HS6ST3: variants seen among roughly 807,000 people sequenced by gnomAD.
The protein encoded by HS6ST3 is heparan sulfate 6-O-sulfotransferase 3.
In HS6ST3, 12 loss-of-function variants were observed where a neutral mutation model predicts 36.7. The ratio of observed to expected loss-of-function variants is 0.33; its 90% CI spans 0.21 to 0.53. The LOEUF (loss-of-function observed/expected upper bound fraction) is 0.53. HS6ST3 is among the 20% of genes least tolerant of loss of function. The pLI is 0.95. For synonymous variants in HS6ST3, 240 were observed against 257.5 expected, an observed-to-expected ratio of 0.93 and a Z score of 0.65; for missense variants, 584 against 640.9, an observed-to-expected ratio of 0.91 and a Z score of 0.96.
chr13:96,760,465 A>G (rs997399662), intron 1 of HS6ST3, among the ~76,000 whole-genome samples: 3 of 151,398 alleles, frequency 2.0e-5, no homozygotes, highest in Middle Eastern at 3.4e-3. Flanking sequence ...GTCCAACCTT[A>G]TAACATTTAC....
intron 1 of HS6ST3, among the ~76,000 whole-genome samples, chr13:96,220,927 T>A (rs992332801): frequency 5.9e-5 from 9 of 152,170 alleles, no homozygotes; most frequent in African/African-American, 2.2e-4. Context: ...GCAATTTGAG[T>A]GTTCCATGTA....
At chr13:96,811,076 C>T (rs937115307) in intron 1 of HS6ST3, among the ~76,000 whole-genome samples, 4 of 152,096 alleles carry the variant, frequency 2.6e-5, no homozygotes, top group African/African-American at 9.7e-5. Context: ...CATGAAGCAG[C>T]AGCAAGCCCC....
At position 96,837,037 on chromosome 13, in the gene HS6ST3, C is replaced by T. The variant is rs1031491939; in HGVS notation, c.*3839C>T. 6 of 152,050 alleles carry T rather than the reference C, an allele frequency of 3.9e-5. No individual in the cohort carries two copies. The highest frequency in any genetic ancestry group is 1.9e-4 in the East Asian group (1 of 5,178). The allele number at this position is 152,050 out of a possible 1,614,324, so 9.4% of individuals were successfully genotyped here. Reference sequence around the variant, plus strand: ...CACATCTCATGGGTTAAAACCTAGACATTTGCCACATCTAGCTGCAAAGAA... The same window carrying T: ...CACATCTCATGGGTTAAAACCTAGATATTTGCCACATCTAGCTGCAAAGAA... On this transcript the variant is annotated 3_prime_UTR_variant, in exon 2 of 2. Coordinates refer to ENST00000376705, the MANE Select transcript of HS6ST3 (RefSeq NM_153456.4).
Position 96,302,442 on chromosome 13 carries a change from G to A in HS6ST3, c.707+210873G>A, listed in dbSNP as rs375076687. ...GGATATGGGTAAATCTTTATAAAAA[G>A]GATAAGTAGGTATTCAAATAGATAA... On this transcript the variant is annotated intron_variant, in intron 1 of 1. Transcript: ENST00000376705. Among the ~76,000 whole-genome samples the A allele has an allele frequency of 1.6e-4, 24 of 152,088 alleles. No homozygotes were observed. In the East Asian group the frequency reaches 4.4e-3, roughly 28 times the overall value.
chr13:96,466,329 C>T (rs912502476), intron 1 of HS6ST3, among the ~76,000 whole-genome samples: 13 of 152,016 alleles, frequency 8.6e-5, no homozygotes, highest in African/African-American at 2.4e-4. Flanking sequence ...GTGTACAATT[C>T]GATTACTGTA....
chr13:96,711,095 C>T (rs180686847), intron 1 of HS6ST3, among the ~76,000 whole-genome samples: 5 of 152,308 alleles, frequency 3.3e-5, no homozygotes, highest in Admixed American at 2.0e-4. Context: ...TCACCTGCCT[C>T]GTCCAAAATG....
chr13:96,391,744 T>G lies in HS6ST3; in HGVS notation c.707+300175T>G, dbSNP rs144054796. Among the ~76,000 whole-genome samples the G allele has an allele frequency of 3.9e-5, 6 of 152,268 alleles. 1 individual carries two copies. Among genetic ancestry groups the G allele is most frequent in the African/African-American group, 1.4e-4 (6 of 41,544 alleles). On this transcript the variant is annotated intron_variant, in intron 1 of 1. Coordinates refer to ENST00000376705, the MANE Select transcript of HS6ST3 (RefSeq NM_153456.4). ...CCGTTTTTAAAACCATCAGATCTTG[T>G]GAAACCCACACACTATCACAAGAAC...
intron 1 of HS6ST3, among the ~76,000 whole-genome samples, chr13:96,400,244 C>G (rs1302857797): frequency 3.3e-5 from 5 of 150,968 alleles, no homozygotes; most frequent in South Asian, 4.2e-4. Context: ...CAGACACACA[C>G]AGATACACAC....
At chr13:96,328,036 C>G (rs1254346840) in intron 1 of HS6ST3, among the ~76,000 whole-genome samples, 1 of 147,582 alleles carries the variant, frequency 6.8e-6, no homozygotes, top group Non-Finnish European at 1.5e-5. Context: ...ATTTTGTATC[C>G]TGAGACTTTG....
intron 1 of HS6ST3, among the ~76,000 whole-genome samples, chr13:96,181,523 C>G (rs1053806316): frequency 6.6e-6 from 1 of 152,206 alleles, no homozygotes; most frequent in Non-Finnish European, 1.5e-5. Flanking sequence ...TCCTGGGTCT[C>G]TAGCTGTGCT....
chr13:96,215,220 G>T (rs1264894166), intron 1 of HS6ST3, among the ~76,000 whole-genome samples: 1 of 152,198 alleles, frequency 6.6e-6, no homozygotes, highest in African/African-American at 2.4e-5. Context: ...CTGCATATCA[G>T]CAATGTTCTC....
chr13:96,797,974 C>T (rs565348030), intron 1 of HS6ST3, among the ~76,000 whole-genome samples: 1 of 152,160 alleles, frequency 6.6e-6, no homozygotes, highest in East Asian at 1.9e-4. Flanking sequence ...CTACACCACA[C>T]TTCTGATGCA....
intron 1 of HS6ST3, among the ~76,000 whole-genome samples, chr13:96,101,692 A>G (rs1817832744): frequency 6.6e-6 from 1 of 152,158 alleles, no homozygotes; most frequent in Admixed American, 6.5e-5. Context: ...TGTAGGCAGT[A>G]TATCTATTGA....
At chr13:96,193,584 T>C (rs1461866868) in intron 1 of HS6ST3, among the ~76,000 whole-genome samples, 3 of 152,028 alleles carry the variant, frequency 2.0e-5, no homozygotes, top group Non-Finnish European at 4.4e-5. Context: ...ATGTCTTAAA[T>C]ATTTAGGGTG....
chr13:96,566,061 A>G (rs2056280083), intron 1 of HS6ST3, among the ~76,000 whole-genome samples: 1 of 152,104 alleles, frequency 6.6e-6, no homozygotes, highest in African/African-American at 2.4e-5. Flanking sequence ...GTAAAAAAGA[A>G]CAGTCAAGGA....
chr13:96,828,890 G>A (rs1878707353), intron 1 of HS6ST3, among the ~76,000 whole-genome samples: 2 of 152,212 alleles, frequency 1.3e-5, no homozygotes, highest in African/African-American at 4.8e-5. Flanking sequence ...TATAGGAAGT[G>A]ATCAGTTAGT....
chr13:96,790,571 A>AT (rs1368238156), intron 1 of HS6ST3, among the ~76,000 whole-genome samples: 2 of 152,036 alleles, frequency 1.3e-5, no homozygotes, highest in Admixed American at 6.6e-5. Context: ...GTCAACCAAT[A>AT]TTTTTTAAGT....
chr13:96,583,956 A>G (rs760455296), intron 1 of HS6ST3, among the ~76,000 whole-genome samples: 1 of 152,180 alleles, frequency 6.6e-6, no homozygotes, highest in South Asian at 2.1e-4. Context: ...GACAATTAAA[A>G]ATGTCTTTAG....
chr13:96,724,865 T>C (rs1281914673), intron 1 of HS6ST3, among the ~76,000 whole-genome samples: 2 of 152,236 alleles, frequency 1.3e-5, no homozygotes, highest in African/African-American at 4.8e-5. Flanking sequence ...ATACATTTTA[T>C]TTCTCTTGAA....
Sources: allele counts gnomAD v4.1 joint callset (sites outside exome capture counted in the v4.1 genomes callset), GRCh38; gene constraint gnomAD v4.1.1; transcripts MANE v1.5; gene names NCBI Gene and HGNC (gene_info 2026-07-23, HGNC 2026-07-21).